Variants in TMEM266 observed in about 807,000 individuals in gnomAD.
The protein encoded by TMEM266 is transmembrane protein 266.
Under a neutral mutation model 50.5 loss-of-function variants are expected in TMEM266, and 33 were observed. The observed-to-expected ratio is 0.65, with a 90% CI of 0.50 to 0.87. TMEM266 has a LOEUF of 0.87. Ranked by LOEUF, TMEM266 falls within the 40% of genes least tolerant of loss-of-function variation. The pLI, the probability that TMEM266 is intolerant of heterozygous loss-of-function variation, is 0.00. For synonymous variants in TMEM266, 310 were observed against 292.3 expected, an observed-to-expected ratio of 1.06 and a Z score of -0.62; for missense variants, 655 against 695.1, an observed-to-expected ratio of 0.94 and a Z score of 0.65.
rs189206840 is a variant in TMEM266, at chr15:76,175,821, C to T, written c.768+147C>T. 4.9e-6 allele frequency: 3 copies of T among 616,878 alleles called. No individual in the cohort carries two copies. The Admixed American group carries it at 8.4e-5, about 17-fold the overall frequency. The allele number at this position is 616,878 out of a possible 1,614,324, so 38.2% of individuals were successfully genotyped here. On this transcript the variant is annotated intron_variant, in intron 8 of 10. Coordinates refer to ENST00000388942, the MANE Select transcript of TMEM266 (RefSeq NM_152335.3). ...TTGGACTCATGGGGAACCTGAAGCCCAGAGAAGGGGACACATCTCCAGGTT... is the reference window on the plus strand; with the variant it reads ...TTGGACTCATGGGGAACCTGAAGCCTAGAGAAGGGGACACATCTCCAGGTT...
chr15:76,066,976 G>A lies in TMEM266; in HGVS notation c.-97+6960G>A, dbSNP rs75012951. Among the ~76,000 whole-genome samples the A allele has an allele frequency of 7.6e-4, 116 of 152,162 alleles. No homozygotes were observed. The East Asian group carries it at 0.019, about 25-fold the overall frequency. The stretch of plus-strand genomic sequence containing the variant: ...CACTAGATGCCACCGGTACTACCGC[G>A]ATTACCCCCCGTCCCCAGTGGTGAC... On this transcript the variant is annotated intron_variant, in intron 1 of 10. Coordinates refer to ENST00000388942, the MANE Select transcript of TMEM266 (RefSeq NM_152335.3).
intron 3 of TMEM266, among the ~76,000 whole-genome samples, chr15:76,154,668 T>A (rs1454284543): frequency 2.0e-5 from 3 of 152,128 alleles, no homozygotes; most frequent in African/African-American, 7.2e-5. Flanking sequence ...CTCCTACCTG[T>A]CTTTCTGGGA....
chr15:76,063,593 C>T (rs2036349398), intron 1 of TMEM266, among the ~76,000 whole-genome samples: 1 of 152,162 alleles, frequency 6.6e-6, no homozygotes, highest in South Asian at 2.1e-4. Flanking sequence ...AGCATCCTTT[C>T]CTCCTCCCTG....
Position 76,134,168 on chromosome 15 carries a change from G to A in TMEM266, c.-96G>A. ...AATAAGTTCCTATTTTTGTTTTCAG[G>A]GCACTATATTTGTATGTGTCTTGTA... is the stretch of plus-strand genomic sequence containing the variant. On this transcript the variant is annotated splice_region_variant and 5_prime_UTR_variant, in exon 2 of 11. Coordinates refer to ENST00000388942, the MANE Select transcript of TMEM266 (RefSeq NM_152335.3). 1 of 1,366,546 alleles carries A rather than the reference G, an allele frequency of 7.3e-7. No homozygotes were observed. Among genetic ancestry groups the A allele is most frequent in the Non-Finnish European group, 1.0e-6 (1 of 972,848 alleles). 84.7% of individuals were successfully genotyped at this position (1,366,546 alleles called of 1,614,324 possible). A position where few individuals can be genotyped will look rare whatever the true frequency, so the allele number is the denominator to read the frequency against.
chr15:76,159,837 G>A (rs754705798), intron 4 of TMEM266, among the ~76,000 whole-genome samples: 15 of 151,706 alleles, frequency 9.9e-5, no homozygotes, highest in Non-Finnish European at 2.1e-4. Context: ...TGAGAGAGGC[G>A]GCCTGTGGGG....
chr15:76,130,105 G>C (rs2037483342), intron 1 of TMEM266, among the ~76,000 whole-genome samples: 1 of 150,868 alleles, frequency 6.6e-6, no homozygotes, highest in Non-Finnish European at 1.5e-5. Context: ...GTGCTTTTCA[G>C]CTACTCTGGG....
chr15:76,094,310 G>T (rs2036893260), intron 1 of TMEM266, among the ~76,000 whole-genome samples: 2 of 151,940 alleles, frequency 1.3e-5, no homozygotes, highest in Admixed American at 1.3e-4. Context: ...TAAGGAAGGG[G>T]TCCAGTTTCA....
At chr15:76,177,594 G>A (rs944094267) in intron 8 of TMEM266, among the ~76,000 whole-genome samples, 2 of 152,264 alleles carry the variant, frequency 1.3e-5, no homozygotes, top group African/African-American at 4.8e-5. Context: ...CGTGACAAGA[G>A]GGGTCATCAG....
chr15:76,111,229 C>T lies in TMEM266; in HGVS notation c.-96-22939C>T, dbSNP rs570473247. Reference sequence around the variant, plus strand: ...CTGAGTAGCTGGGATTACAGGTGTGCGCCACAATGCCCAGCTAATTTTTGT... The same window carrying T: ...CTGAGTAGCTGGGATTACAGGTGTGTGCCACAATGCCCAGCTAATTTTTGT... On this transcript the variant is annotated intron_variant, in intron 1 of 10. Coordinates refer to ENST00000388942, the MANE Select transcript of TMEM266 (RefSeq NM_152335.3). Among the ~76,000 whole-genome samples, 14 of 152,066 alleles carry T rather than the reference C, an allele frequency of 9.2e-5. 1 individual carries two copies. Among genetic ancestry groups the T allele is most frequent in the East Asian group, 3.9e-4 (2 of 5,178 alleles).
chr15:76,154,423 G>A (rs1417624418), intron 3 of TMEM266, among the ~76,000 whole-genome samples: 1 of 152,064 alleles, frequency 6.6e-6, no homozygotes, highest in East Asian at 1.9e-4. Flanking sequence ...AATGGACTTC[G>A]AAATCCACCT....
intron 1 of TMEM266, among the ~76,000 whole-genome samples, chr15:76,067,460 T>C (rs967686998): frequency 6.6e-6 from 1 of 151,726 alleles, no homozygotes; most frequent in Non-Finnish European, 1.5e-5. Flanking sequence ...CTGGCCAACA[T>C]GGAGAAACCC....
chr15:76,196,361 C>A lies in TMEM266; in HGVS notation c.958+4204C>A, dbSNP rs143066344. Among the ~76,000 whole-genome samples, 536 of 152,308 alleles carry A rather than the reference C, an allele frequency of 3.5e-3. 4 individuals are homozygous for A. Among genetic ancestry groups the A allele is most frequent in the African/African-American group, 0.012 (505 of 41,550 alleles). ...AGAGCATCAACAGCAAAGCCAGTGC[C>A]TCCAAGGCAAAGGGCAGAACACAGG... On this transcript the variant is annotated intron_variant, in intron 9 of 10. Transcript: ENST00000388942.
At chr15:76,148,532 T>A (rs2037790682) in intron 3 of TMEM266, among the ~76,000 whole-genome samples, 1 of 152,160 alleles carries the variant, frequency 6.6e-6, no homozygotes, top group Non-Finnish European at 1.5e-5. Flanking sequence ...TTCCCACCCC[T>A]AAGTCAACCT....
chr15:76,164,199 A>C (rs1182735887), intron 5 of TMEM266, among the ~76,000 whole-genome samples: 1 of 152,134 alleles, frequency 6.6e-6, no homozygotes, highest in Non-Finnish European at 1.5e-5. Flanking sequence ...ACGATGTAGC[A>C]CAGCACACTT....
intron 1 of TMEM266, among the ~76,000 whole-genome samples, chr15:76,100,597 T>C (rs2036987361): frequency 6.6e-6 from 1 of 152,226 alleles, no homozygotes; most frequent in African/African-American, 2.4e-5. Flanking sequence ...CAATGTTGAA[T>C]GAGCTGGATA....
intron 1 of TMEM266, among the ~76,000 whole-genome samples, chr15:76,104,477 C>T (rs1348015230): frequency 2.0e-5 from 3 of 152,294 alleles, no homozygotes; most frequent in Non-Finnish European, 2.9e-5. Flanking sequence ...TGATATGTCT[C>T]GAGATGTGGT....
chr15:76,105,595 A>G (rs1353314933), intron 1 of TMEM266, among the ~76,000 whole-genome samples: 1 of 152,250 alleles, frequency 6.6e-6, no homozygotes, highest in Non-Finnish European at 1.5e-5. Context: ...CAGTATATAA[A>G]TGATTGAGCA....
chr15:76,155,706 C>T (rs759822479), intron 3 of TMEM266, among the ~76,000 whole-genome samples: 4 of 152,104 alleles, frequency 2.6e-5, no homozygotes, highest in Non-Finnish European at 4.4e-5. Flanking sequence ...TTTCCCAAAA[C>T]GTACCCAACC....
At position 76,160,247 on chromosome 15, in the gene TMEM266, A is replaced by G; in HGVS notation, c.456+79A>G. ...GGGAAACCAAGGTCTACTTCTCGAAATGGTTTCTAGCATCAGGTCCCCTGC... is the reference window on the plus strand; with the variant it reads ...GGGAAACCAAGGTCTACTTCTCGAAGTGGTTTCTAGCATCAGGTCCCCTGC... On this transcript the variant is annotated intron_variant, in intron 5 of 10. Coordinates refer to ENST00000388942, the MANE Select transcript of TMEM266 (RefSeq NM_152335.3). The surrounding 1 kb of genome is among the most constrained non-coding windows in gnomAD (Gnocchi z 5.7). 7.1e-7 allele frequency: 1 copy of G among 1,415,862 alleles called. No individual in the cohort carries two copies. Among genetic ancestry groups the G allele is most frequent in the Non-Finnish European group, 1.0e-6 (1 of 1,004,412 alleles). The allele number at this position is 1,415,862 out of a possible 1,614,324, so 87.7% of individuals were successfully genotyped here.
Sources: gnomAD v4.1 joint callset for allele counts (sites outside exome capture counted in the v4.1 genomes callset) on GRCh38, gnomAD v4.1.1 for gene constraint, Gnocchi (gnomAD v3.1) non-coding constraint, MANE v1.5 for transcripts, NCBI Gene and HGNC (gene_info 2026-07-23, HGNC 2026-07-21) for gene names.